Variants in LHFPL3 observed in about 807,000 individuals in gnomAD.
The protein encoded by LHFPL3 is LHFPL tetraspan subfamily member 3 protein.
In LHFPL3, 5 loss-of-function variants were observed where a neutral mutation model predicts 19.3. That is an observed-to-expected ratio of 0.26 (90% CI 0.14 to 0.54). LHFPL3 has a LOEUF of 0.54. Ranked by LOEUF, LHFPL3 falls within the 20% of genes least tolerant of loss-of-function variation. The pLI, the probability that LHFPL3 is intolerant of heterozygous loss-of-function variation, is 0.94. For missense variants in LHFPL3, 249 were observed against 307.4 expected (o/e 0.81, Z 1.42); for synonymous variants, 133 against 126.2 (o/e 1.05, Z -0.36).
intron 2 of LHFPL3, among the ~76,000 whole-genome samples, chr7:104,889,591 G>C (rs964929903): frequency 6.6e-5 from 10 of 152,218 alleles, no homozygotes; most frequent in African/African-American, 2.4e-4. Flanking sequence ...AGTGAGCCAA[G>C]ATGACACCAC....
chr7:104,687,368 T>G (rs868030758), intron 1 of LHFPL3, among the ~76,000 whole-genome samples: 14 of 152,190 alleles, frequency 9.2e-5, no homozygotes, highest in African/African-American at 3.4e-4. Context: ...TCAGTCTTTT[T>G]GGGTTTTTAT....
chr7:104,563,492 C>G (rs990129752), intron 1 of LHFPL3, among the ~76,000 whole-genome samples: 3 of 152,298 alleles, frequency 2.0e-5, no homozygotes, highest in Admixed American at 1.3e-4. Flanking sequence ...AGGGAACTCC[C>G]TGACCCCTTG....
intron 1 of LHFPL3, among the ~76,000 whole-genome samples, chr7:104,617,235 A>G (rs776604946): frequency 2.6e-5 from 4 of 152,196 alleles, no homozygotes; most frequent in Non-Finnish European, 4.4e-5. Context: ...TGAATCGAAT[A>G]TGAAGCCCAG....
At chr7:104,873,357 C>T (rs889154351) in intron 2 of LHFPL3, among the ~76,000 whole-genome samples, 1 of 152,126 alleles carries the variant, frequency 6.6e-6, no homozygotes, top group Non-Finnish European at 1.5e-5. Flanking sequence ...TAAACAGTAG[C>T]AGAAGATCCT....
At chr7:104,523,944 T>TA (rs1794132173) in intron 1 of LHFPL3, among the ~76,000 whole-genome samples, 1 of 152,170 alleles carries the variant, frequency 6.6e-6, no homozygotes, top group Admixed American at 6.5e-5. Context: ...ATCAATTATT[T>TA]AAAAAATTCC....
intron 1 of LHFPL3, among the ~76,000 whole-genome samples, chr7:104,631,665 C>G (rs1293065371): frequency 7.2e-5 from 11 of 152,158 alleles, no homozygotes; most frequent in Non-Finnish European, 5.9e-5. Context: ...ATATGCAGAG[C>G]TTTTGCTATT....
chr7:104,837,632 T>C (rs535907091), intron 2 of LHFPL3, among the ~76,000 whole-genome samples: 1 of 152,306 alleles, frequency 6.6e-6, no homozygotes, highest in African/African-American at 2.4e-5. Flanking sequence ...TTTTTATTTT[T>C]ATTTCCATAG....
intron 2 of LHFPL3, among the ~76,000 whole-genome samples, chr7:104,858,851 A>G (rs894494187): frequency 2.0e-5 from 3 of 151,764 alleles, no homozygotes; most frequent in Non-Finnish European, 4.4e-5. Flanking sequence ...GCATCTTCCC[A>G]TCATCCTATA....
At chr7:104,548,799 A>G (rs1168289389) in intron 1 of LHFPL3, among the ~76,000 whole-genome samples, 4 of 152,150 alleles carry the variant, frequency 2.6e-5, no homozygotes, top group African/African-American at 7.2e-5. Context: ...CACAAGTACT[A>G]ACAGCCAACT....
At chr7:104,818,825 A>C (rs1468376362) in intron 2 of LHFPL3, among the ~76,000 whole-genome samples, 1 of 151,334 alleles carries the variant, frequency 6.6e-6, no homozygotes, top group African/African-American at 2.4e-5. Context: ...GCTAAAATTA[A>C]AAAAAAAGGA....
chr7:104,401,099 C>G (rs879827803), intron 1 of LHFPL3, among the ~76,000 whole-genome samples: 4 of 152,198 alleles, frequency 2.6e-5, no homozygotes, highest in Non-Finnish European at 4.4e-5. Flanking sequence ...TCTTGGGTCA[C>G]CTTACCTCTC....
chr7:104,449,611 G>T (rs954396146), intron 1 of LHFPL3, among the ~76,000 whole-genome samples: 1 of 152,110 alleles, frequency 6.6e-6, no homozygotes, highest in African/African-American at 2.4e-5. Context: ...ATTAATAGTG[G>T]CTTATATCTC....
At chr7:104,459,441 C>T (rs998751196) in intron 1 of LHFPL3, among the ~76,000 whole-genome samples, 3 of 152,168 alleles carry the variant, frequency 2.0e-5, no homozygotes, top group African/African-American at 7.2e-5. Context: ...TAATAAGATA[C>T]ATTGGCCAGG....
At chr7:104,471,573 AG>A (rs1024919632) in intron 1 of LHFPL3, among the ~76,000 whole-genome samples, 2 of 152,232 alleles carry the variant, frequency 1.3e-5, no homozygotes, top group African/African-American at 4.8e-5. Context: ...AAGAGTTTAA[AG>A]CCTGTGGTCT....
chr7:104,596,721 C>T lies in LHFPL3; in HGVS notation c.446-139954C>T, dbSNP rs191260184. Among the ~76,000 whole-genome samples, 199 of 152,300 alleles carry T rather than the reference C, an allele frequency of 1.3e-3. 1 individual carries two copies. The highest frequency in any genetic ancestry group is 4.6e-3 in the African/African-American group (191 of 41,574). On this transcript the variant is annotated intron_variant, in intron 1 of 2. Transcript: ENST00000424859. The stretch of plus-strand genomic sequence containing the variant: ...TAGGGTGGAGGCTACATTCAGATAC[C>T]GTGTAATACAACTTAAGATTTACAT...
chr7:104,708,893 A>G (rs1477061095), intron 1 of LHFPL3, among the ~76,000 whole-genome samples: 2 of 152,130 alleles, frequency 1.3e-5, no homozygotes, highest in Non-Finnish European at 2.9e-5. Context: ...GAGAGAAAAA[A>G]TTAGATTTGT....
chr7:104,365,787 C>CAAAAA (rs571171040), intron 1 of LHFPL3, among the ~76,000 whole-genome samples: 3 of 49,964 alleles, frequency 6.0e-5, no homozygotes, highest in East Asian at 6.5e-4. Flanking sequence ...GACTCCGTCT[C>CAAAAA]AAAAAAAAAA....
intron 2 of LHFPL3, among the ~76,000 whole-genome samples, chr7:104,755,509 TTCTC>T (rs1237814523): frequency 1.3e-5 from 2 of 151,880 alleles, no homozygotes; most frequent in Admixed American, 6.6e-5. Flanking sequence ...TCTAAGCAAG[TTCTC>T]TCTGTCTCTC....
chr7:104,762,902 G>A (rs1794400011), intron 2 of LHFPL3, among the ~76,000 whole-genome samples: 1 of 152,162 alleles, frequency 6.6e-6, no homozygotes, highest in Non-Finnish European at 1.5e-5. Context: ...GGACAGAGGA[G>A]TCTGCATGCT....
Sources: allele counts gnomAD v4.1 joint callset (sites outside exome capture counted in the v4.1 genomes callset), GRCh38; gene constraint gnomAD v4.1.1; transcripts MANE v1.5; gene names NCBI Gene and HGNC (gene_info 2026-07-23, HGNC 2026-07-21).